The following TRDN variants were observed in gnomAD, a reference collection of about 807,000 sequenced individuals.
The protein encoded by TRDN is triadin in skeletal muscle.
A neutral mutation model predicts 149.7 loss-of-function variants in TRDN; 161 were observed. The ratio of observed to expected loss-of-function variants is 1.08; its 90% CI spans 0.95 to 1.23. The LOEUF is 1.23. TRDN is among the 50% of genes most tolerant of loss of function. The pLI, the probability that TRDN is intolerant of heterozygous loss-of-function variation, is 0.00. For synonymous variants in TRDN, 294 were observed against 250.5 expected (o/e 1.17, Z -1.64); for missense variants, 896 against 823.5 (o/e 1.09, Z -1.08).
At chr6:123,435,274 T>C in intron 12 of TRDN, among the ~76,000 whole-genome samples, 1 of 152,008 alleles carries the variant, frequency 6.6e-6, no homozygotes, top group Non-Finnish European at 1.5e-5. Flanking sequence ...CTCTGCCATG[T>C]TCCTCTACTT....
intron 5 of TRDN, among the ~76,000 whole-genome samples, chr6:123,517,478 C>CT (rs1779469163): frequency 6.6e-6 from 1 of 152,024 alleles, no homozygotes; most frequent in South Asian, 2.1e-4. Flanking sequence ...ATTAGTGCCT[C>CT]CTCACTGCTT....
At chr6:123,251,485 TAA>T (rs1776370508) in intron 38 of TRDN, among the ~76,000 whole-genome samples, 1 of 151,990 alleles carries the variant, frequency 6.6e-6, no homozygotes. Flanking sequence ...TTGTATAAAA[TAA>T]GTTACATAAA....
chr6:123,556,576 T>G (rs1468151067), intron 2 of TRDN, among the ~76,000 whole-genome samples: 1 of 150,578 alleles, frequency 6.6e-6, no homozygotes, highest in Non-Finnish European at 1.5e-5. Context: ...CTTTCTCTAT[T>G]TCCTCCTCTT....
chr6:123,559,601 C>T (rs565108472), intron 2 of TRDN, among the ~76,000 whole-genome samples: 398 of 146,658 alleles, frequency 2.7e-3, no homozygotes, highest in Non-Finnish European at 3.8e-3. Context: ...TCACCCTTAC[C>T]CCAATCAATG....
At chr6:123,538,678 CG>C (rs1389229236) in intron 4 of TRDN, among the ~76,000 whole-genome samples, 1 of 151,916 alleles carries the variant, frequency 6.6e-6, no homozygotes, top group Non-Finnish European at 1.5e-5. Context: ...TTTATTTTAT[CG>C]TGTTTGATTA....
At position 123,385,902 on chromosome 6, in the gene TRDN, C is replaced by A. The variant is rs76791163; in HGVS notation, c.1135+2620G>T. Among the ~76,000 whole-genome samples, 646 of 152,090 alleles carry A rather than the reference C, an allele frequency of 4.2e-3. 5 individuals are homozygous for A. Among genetic ancestry groups the A allele is most frequent in the African/African-American group, 0.015 (614 of 41,476 alleles). ...CAGTCAATAGCTGATTATAACTTCC[C>A]AAACCTAAAAAGCTCACTGGAATAT... is the stretch of plus-strand genomic sequence containing the variant. On this transcript the variant is annotated intron_variant, in intron 14 of 40. Transcript: ENST00000334268.
chr6:123,571,070 C>G lies in TRDN; in HGVS notation c.85G>C (p.Gly29Arg), dbSNP rs763469367. 2 of 1,613,916 alleles carry G rather than the reference C, an allele frequency of 1.2e-6. No individual in the cohort carries two copies. The highest frequency in any genetic ancestry group is 1.3e-5 in the African/African-American group (1 of 75,022). The change falls in exon 2 of 41, where the codon GGA (glycine) becomes CGA (arginine). Residue 29 changes from glycine (G) to arginine (R), a missense_variant. Coordinates refer to ENST00000334268, the MANE Select transcript of TRDN (RefSeq NM_006073.4). ...SKNGSVPKSP[G>R]KVLKRTVTED... ...GTGACTGTCCTCTTCAGCACTTTTC[C>G]GGGGGATTTGGGCACAGATCCATTT...
intron 24 of TRDN, among the ~76,000 whole-genome samples, chr6:123,305,584 C>T (rs1393217335): frequency 1.3e-5 from 2 of 152,074 alleles, no homozygotes; most frequent in Admixed American, 6.6e-5. Context: ...CCGCCTGATG[C>T]CACGACCAAA....
chr6:123,246,530 C>A (rs1329003280), intron 38 of TRDN, among the ~76,000 whole-genome samples: 1 of 151,656 alleles, frequency 6.6e-6, no homozygotes, highest in Non-Finnish European at 1.5e-5. Context: ...AAGACCAAAC[C>A]AGGAAGAAGT....
At chr6:123,342,984 C>T (rs577584762) in intron 21 of TRDN, among the ~76,000 whole-genome samples, 1 of 152,114 alleles carries the variant, frequency 6.6e-6, no homozygotes, top group South Asian at 2.1e-4. Flanking sequence ...TATCAGGAAA[C>T]TTATTGTCAA....
At chr6:123,225,999 C>A (rs1440161483) in intron 38 of TRDN, among the ~76,000 whole-genome samples, 2 of 151,704 alleles carry the variant, frequency 1.3e-5, no homozygotes, top group African/African-American at 2.4e-5. Context: ...GGTCAGTATG[C>A]AAATTTCGTC....
At chr6:123,303,053 C>T (rs1187346865) in intron 24 of TRDN, among the ~76,000 whole-genome samples, 1 of 152,004 alleles carries the variant, frequency 6.6e-6, no homozygotes, top group African/African-American at 2.4e-5. Flanking sequence ...GATAGACTGG[C>T]ATGGAATATA....
chr6:123,518,369 A>G (rs1030629200), intron 5 of TRDN, among the ~76,000 whole-genome samples: 7 of 152,176 alleles, frequency 4.6e-5, no homozygotes, highest in African/African-American at 1.7e-4. Flanking sequence ...CAGAAAACCA[A>G]GAGAAAATCT....
chr6:123,582,796 C>A (rs952340547), intron 1 of TRDN, among the ~76,000 whole-genome samples: 2 of 151,300 alleles, frequency 1.3e-5, no homozygotes, highest in African/African-American at 2.4e-5. Flanking sequence ...CTTGGGACAG[C>A]AAAAATTTTG....
intron 1 of TRDN, among the ~76,000 whole-genome samples, chr6:123,623,196 G>T (rs1037580460): frequency 6.6e-6 from 1 of 151,448 alleles, no homozygotes; most frequent in African/African-American, 2.4e-5. Context: ...TTCTATTATA[G>T]AATTATAAGT....
chr6:123,438,822 C>T lies in TRDN; in HGVS notation c.991+122G>A, dbSNP rs9320937. 72,056 of 719,536 alleles carry T rather than the reference C, an allele frequency of 0.1. 4,953 individuals carry two copies. The highest frequency in any genetic ancestry group is 0.29 in the African/African-American group (15,597 of 54,432). The allele number at this position is 719,536 out of a possible 1,614,324, so 44.6% of individuals were successfully genotyped here. The stretch of plus-strand genomic sequence containing the variant: ...TATCTAGACATGTTAAGAGTGTTCA[C>T]TAATAACAATGACAATGCATTTATT... On this transcript the variant is annotated intron_variant, in intron 11 of 40. Coordinates refer to ENST00000334268, the MANE Select transcript of TRDN (RefSeq NM_006073.4).
intron 28 of TRDN, 91 bp from the exon 29 acceptor site, chr6:123,273,102 AT>A: frequency 2.4e-6 from 2 of 846,996 alleles, no homozygotes; most frequent in Non-Finnish European, 1.8e-6. Flanking sequence ...TAGAGAAAAA[AT>A]ATTCTGAAAT....
rs2114492194 is a variant in TRDN, at chr6:123,218,624, C to T, written c.2167G>A (p.Gly723Arg). 2.5e-6 allele frequency: 4 copies of T among 1,611,668 alleles called. No homozygotes were observed. The highest frequency in any genetic ancestry group is 3.4e-6 in the Non-Finnish European group (4 of 1,178,592). The change falls in exon 41 of 41, where the codon GGA (glycine) becomes AGA (arginine). Residue 723 changes from glycine to arginine, a missense_variant. By Grantham distance (125) the Gly-to-Arg change is moderately radical. Coordinates refer to ENST00000334268, the MANE Select transcript of TRDN (RefSeq NM_006073.4). ...GESSGQANSP[G>R]QKQQGQ ...GTTTACTGTCCTTGTTGCTTCTGTCCTGGAGAATTTGCTTGACCAGAGCTC... is the reference window on the plus strand; with the variant it reads ...GTTTACTGTCCTTGTTGCTTCTGTCTTGGAGAATTTGCTTGACCAGAGCTC...
chr6:123,596,418 G>A (rs768092403), intron 1 of TRDN, among the ~76,000 whole-genome samples: 1 of 152,088 alleles, frequency 6.6e-6, no homozygotes, highest in Non-Finnish European at 1.5e-5. Flanking sequence ...GATATATGCT[G>A]CGAGGTGTCC....
Sources: allele counts gnomAD v4.1 joint callset (sites outside exome capture counted in the v4.1 genomes callset), GRCh38; gene constraint gnomAD v4.1.1; transcripts MANE v1.5; gene names NCBI Gene and HGNC (gene_info 2026-07-23, HGNC 2026-07-21).